The following PPP2R2B variants were observed in gnomAD, a reference collection of about 807,000 sequenced individuals.
PPP2R2B encodes serine/threonine-protein phosphatase 2A 55 kDa regulatory subunit B beta isoform.
PPP2R2B carries 5 observed loss-of-function variants against 46.0 expected under a neutral mutation model. That is an observed-to-expected ratio of 0.11 (90% CI 0.06 to 0.23). The LOEUF (loss-of-function observed/expected upper bound fraction) is 0.23, where lower values mean the gene tolerates loss of function less well. Among genes scored for constraint, PPP2R2B ranks in the 10% least tolerant of loss-of-function variants. PPP2R2B has a pLI of 1.00. For missense variants in PPP2R2B, 367 were observed against 575.0 expected, an observed-to-expected ratio of 0.64 and a Z score of 3.70; for synonymous variants, 215 against 206.7, an observed-to-expected ratio of 1.04 and a Z score of -0.34.
At chr5:146,645,571 A>G (rs1042983692) in intron 6 of PPP2R2B, among the ~76,000 whole-genome samples, 3 of 152,182 alleles carry the variant, frequency 2.0e-5, no homozygotes, top group African/African-American at 7.2e-5. Context: ...AATTAAAAGG[A>G]AGCTGCTGTC....
At chr5:146,844,276 C>T (rs1235375931) in intron 2 of PPP2R2B, among the ~76,000 whole-genome samples, 10 of 150,080 alleles carry the variant, frequency 6.7e-5, no homozygotes, top group Non-Finnish European at 1.0e-4. Flanking sequence ...GTGGGTGCAG[C>T]GCACCAGCAT....
At chr5:146,829,978 A>G (rs1758826289) in intron 2 of PPP2R2B, among the ~76,000 whole-genome samples, 1 of 152,174 alleles carries the variant, frequency 6.6e-6, no homozygotes, top group African/African-American at 2.4e-5. Context: ...TCAGAGGTAA[A>G]ATAGATATTG....
chr5:146,726,179 C>G (rs956144723), intron 2 of PPP2R2B, among the ~76,000 whole-genome samples: 1 of 152,124 alleles, frequency 6.6e-6, no homozygotes, highest in South Asian at 2.1e-4. Context: ...CTAAAGCCTC[C>G]TTCTCCACCA....
chr5:146,857,922 G>C (rs536285438), intron 2 of PPP2R2B, among the ~76,000 whole-genome samples: 1 of 152,104 alleles, frequency 6.6e-6, no homozygotes, highest in Non-Finnish European at 1.5e-5. Context: ...CCCGACCTCA[G>C]GTGATCCGCC....
chr5:146,886,981 A>G (rs1423866718), intron 1 of PPP2R2B, among the ~76,000 whole-genome samples: 2 of 152,126 alleles, frequency 1.3e-5, no homozygotes, highest in African/African-American at 4.8e-5. Flanking sequence ...ACCAGAATGT[A>G]TAGAACGGCT....
chr5:147,051,722 T>C (rs557025694), intron 1 of PPP2R2B, among the ~76,000 whole-genome samples: 2 of 151,216 alleles, frequency 1.3e-5, no homozygotes, highest in Admixed American at 1.3e-4. Context: ...TTCCTTATAC[T>C]TCACTGACTC....
chr5:146,914,593 G>C (rs1763310569), intron 1 of PPP2R2B, among the ~76,000 whole-genome samples: 1 of 152,186 alleles, frequency 6.6e-6, no homozygotes, highest in African/African-American at 2.4e-5. Context: ...GAACCAATTA[G>C]GCATTCATAT....
chr5:146,756,501 G>C (rs1005371393), intron 2 of PPP2R2B, among the ~76,000 whole-genome samples: 1 of 152,134 alleles, frequency 6.6e-6, no homozygotes, highest in Non-Finnish European at 1.5e-5. Flanking sequence ...TCGATTAACT[G>C]AAAAGTATAT....
At chr5:146,786,183 T>C (rs1448139130) in intron 2 of PPP2R2B, among the ~76,000 whole-genome samples, 1 of 151,988 alleles carries the variant, frequency 6.6e-6, no homozygotes, top group Non-Finnish European at 1.5e-5. Flanking sequence ...AATAAAACTA[T>C]AATAAATGGA....
intron 2 of PPP2R2B, among the ~76,000 whole-genome samples, chr5:146,821,267 T>C (rs1194282368): frequency 7.9e-5 from 12 of 152,210 alleles, no homozygotes; most frequent in African/African-American, 2.9e-4. Context: ...CATCCCTTAA[T>C]ACCATACTCT....
At chr5:147,077,275 TACACACACACACACACACACAC>T (rs370176510) in intron 2 of PPP2R2B, among the ~76,000 whole-genome samples, 1 of 140,484 alleles carries the variant, frequency 7.1e-6, no homozygotes, top group African/African-American at 2.7e-5. Flanking sequence ...TATGTGTGTA[TACACACACACACACACACACAC>T]ACACACACAC....
Position 146,590,072 on chromosome 5 carries a change from C to T in PPP2R2B, c.1207G>A (p.Glu403Lys). The T allele has an allele frequency of 1.2e-6, 2 of 1,614,130 alleles. No individual in the cohort carries two copies. Among genetic ancestry groups the T allele is most frequent in the Non-Finnish European group, 1.7e-6 (2 of 1,180,032 alleles). Residue 403 changes from glutamate to lysine, a missense_variant, in exon 10 of 10, where the codon GAG becomes AAG. By Grantham distance (56) the Glu-to-Lys change is moderately conservative. Around this residue, in one of 2 missense-constraint regions of PPP2R2B, gnomAD observed 361 missense variants for 545.5 expected, o/e 0.66. Coordinates refer to ENST00000394411, the MANE Select transcript of PPP2R2B (RefSeq NM_181675.4). ...VCVGGKRRKD[E>K]ISVDSLDFSK... The stretch of plus-strand genomic sequence containing the variant: ...AAGTCCAGACTGTCGACACTGATCT[C>T]GTCTTTTCTCCGCTTGCCCCCCACA...
At chr5:146,747,175 C>A (rs978432241) in intron 2 of PPP2R2B, among the ~76,000 whole-genome samples, 9 of 152,202 alleles carry the variant, frequency 5.9e-5, no homozygotes, top group Non-Finnish European at 1.3e-4. Flanking sequence ...CATTCCTAAT[C>A]ATCCTCTGCT....
intron 5 of PPP2R2B, among the ~76,000 whole-genome samples, chr5:146,676,326 C>T (rs1207277466): frequency 6.6e-6 from 1 of 152,094 alleles, no homozygotes; most frequent in Non-Finnish European, 1.5e-5. Context: ...AGTTCCTTAA[C>T]AAGACCTATG....
Position 146,701,491 on chromosome 5 carries a change from G to A in PPP2R2B, c.71-349C>T, listed in dbSNP as rs1443392008. Among the ~76,000 whole-genome samples, 7 of 152,146 alleles carry A rather than the reference G, an allele frequency of 4.6e-5. No individual in the cohort carries two copies. The South Asian group carries it at 1.4e-3, about 32-fold the overall frequency. On this transcript the variant is annotated intron_variant, in intron 2 of 9. Coordinates refer to ENST00000394411, the MANE Select transcript of PPP2R2B (RefSeq NM_181675.4). ...AACCACAGACCCTTCGTGCATCCACGGCCTTTACACCAAGAATCTTCCCCA... is the reference window on the plus strand; with the variant it reads ...AACCACAGACCCTTCGTGCATCCACAGCCTTTACACCAAGAATCTTCCCCA...
intron 1 of PPP2R2B, among the ~76,000 whole-genome samples, chr5:146,936,352 T>C (rs1214515821): frequency 1.3e-5 from 2 of 151,902 alleles, no homozygotes; most frequent in African/African-American, 4.8e-5. Context: ...TAAATGATCA[T>C]CCCACTCCCC....
At chr5:146,786,877 A>T (rs1270492691) in intron 2 of PPP2R2B, among the ~76,000 whole-genome samples, 1 of 152,232 alleles carries the variant, frequency 6.6e-6, no homozygotes, top group Non-Finnish European at 1.5e-5. Flanking sequence ...CAATCATCTC[A>T]GGAAGCTTTT....
chr5:146,668,824 GC>G (rs1382371082), intron 5 of PPP2R2B, among the ~76,000 whole-genome samples: 3 of 152,078 alleles, frequency 2.0e-5, no homozygotes, highest in African/African-American at 7.2e-5. Flanking sequence ...TGACCTCTTT[GC>G]CCCCAAATGT....
chr5:146,917,744 T>C (rs1209076987), intron 1 of PPP2R2B: 1 of 152,234 alleles, frequency 6.6e-6, no homozygotes, highest in Admixed American at 6.5e-5. Context: ...TATTTCATAA[T>C]CTATCTGTAG....
Sources: allele counts gnomAD v4.1 joint callset (sites outside exome capture counted in the v4.1 genomes callset), GRCh38; gene constraint gnomAD v4.1.1; regional missense constraint gnomAD v4.1.1; transcripts MANE v1.5; gene names NCBI Gene and HGNC (gene_info 2026-07-23, HGNC 2026-07-21).